Variants in FOXP1 observed in about 807,000 individuals in gnomAD.
FOXP1 encodes forkhead box P1.
In FOXP1, 15 loss-of-function variants were observed where a neutral mutation model predicts 98.2. The observed-to-expected ratio is 0.15, with a 90% CI of 0.10 to 0.24. The LOEUF is 0.24. Ranked by LOEUF, FOXP1 falls within the 10% of genes least tolerant of loss-of-function variation. The pLI, the probability that FOXP1 is intolerant of heterozygous loss-of-function variation, is 1.00. For missense variants in FOXP1, 633 were observed against 848.5 expected (o/e 0.75, Z 3.15); for synonymous variants, 371 against 314.5 (o/e 1.18, Z -1.90).
intron 5 of FOXP1, among the ~76,000 whole-genome samples, chr3:71,206,124 C>T (rs1019383326): frequency 6.6e-6 from 1 of 152,144 alleles, no homozygotes; most frequent in Non-Finnish European, 1.5e-5. Flanking sequence ...TTGCACATAA[C>T]AAGAATTTAA....
intron 2 of FOXP1, among the ~76,000 whole-genome samples, chr3:71,547,658 AAAGTTCTTG>A (rs1292361896): frequency 2.6e-5 from 4 of 152,242 alleles, no homozygotes; most frequent in Non-Finnish European, 5.9e-5. Flanking sequence ...GTGAACACAC[AAAGTTCTTG>A]TAGAGAATTA....
intron 2 of FOXP1, among the ~76,000 whole-genome samples, chr3:71,558,970 A>T (rs1156381415): frequency 1.4e-5 from 2 of 145,412 alleles, no homozygotes; most frequent in Admixed American, 6.9e-5. Context: ...ACCCAGCTAA[A>T]TTTTTTTGTA....
At chr3:70,961,054 G>A (rs553294475) in intron 20 of FOXP1, among the ~76,000 whole-genome samples, 6 of 151,760 alleles carry the variant, frequency 4.0e-5, no homozygotes, top group East Asian at 1.9e-4. Context: ...CCGTGGTCTC[G>A]ATCTCCTGAC....
At chr3:71,516,360 C>T (rs2042580864) in intron 2 of FOXP1, among the ~76,000 whole-genome samples, 1 of 152,008 alleles carries the variant, frequency 6.6e-6, no homozygotes, top group East Asian at 1.9e-4. Flanking sequence ...CAAATGGAAC[C>T]AAGTATAATC....
intron 5 of FOXP1, among the ~76,000 whole-genome samples, chr3:71,260,122 TACAGGCA>T (rs1220256239): frequency 6.6e-6 from 1 of 152,202 alleles, no homozygotes; most frequent in African/African-American, 2.4e-5. Context: ...TAGCTGGGAC[TACAGGCA>T]CCTGCCACCA....
chr3:71,061,436 T>G (rs1239118823), intron 7 of FOXP1, among the ~76,000 whole-genome samples: 1 of 152,146 alleles, frequency 6.6e-6, no homozygotes. Flanking sequence ...GGCAGTTCCT[T>G]CTACTCAAGC....
intron 5 of FOXP1, among the ~76,000 whole-genome samples, chr3:71,246,120 CA>C (rs1012502056): frequency 3.3e-5 from 5 of 152,038 alleles, no homozygotes; most frequent in Non-Finnish European, 7.4e-5. Context: ...AGCTGAGCAG[CA>C]GCGAGCCAGC....
At chr3:71,150,956 T>C (rs987512215) in intron 6 of FOXP1, among the ~76,000 whole-genome samples, 1 of 152,172 alleles carries the variant, frequency 6.6e-6, no homozygotes, top group African/African-American at 2.4e-5. Context: ...TTTGGAATAC[T>C]GGAAAGACAA....
intron 6 of FOXP1, among the ~76,000 whole-genome samples, chr3:71,127,165 T>C (rs578202781): frequency 1.3e-5 from 2 of 152,186 alleles, no homozygotes; most frequent in African/African-American, 2.4e-5. Flanking sequence ...ATTTTTACAC[T>C]GTGCTTTAGA....
chr3:71,015,857 G>A (rs1229593231), intron 11 of FOXP1, among the ~76,000 whole-genome samples: 1 of 152,200 alleles, frequency 6.6e-6, no homozygotes, highest in South Asian at 2.1e-4. Context: ...AGTGTATTTA[G>A]TCAAATGTTA....
intron 17 of FOXP1, among the ~76,000 whole-genome samples, chr3:70,973,273 T>C (rs1048494336): frequency 3.4e-5 from 4 of 117,118 alleles, no homozygotes; most frequent in Admixed American, 2.3e-4. Flanking sequence ...AAGAGATCAG[T>C]AGCTATCATG....
chr3:71,054,810 C>T (rs546791038), intron 7 of FOXP1, among the ~76,000 whole-genome samples: 2 of 151,980 alleles, frequency 1.3e-5, no homozygotes, highest in South Asian at 2.1e-4. Flanking sequence ...GTCTTCTAAC[C>T]GTAATATTTA....
chr3:71,303,938 G>A (rs569039082), intron 4 of FOXP1, among the ~76,000 whole-genome samples: 4 of 152,234 alleles, frequency 2.6e-5, no homozygotes, highest in South Asian at 2.1e-4. Flanking sequence ...AAACTTGGAC[G>A]CTACCCAGGC....
chr3:71,217,823 C>T (rs2065058294), intron 5 of FOXP1, among the ~76,000 whole-genome samples: 1 of 152,106 alleles, frequency 6.6e-6, no homozygotes, highest in African/African-American at 2.4e-5. Context: ...TCCACTTCTC[C>T]CTGCTTCCAG....
intron 7 of FOXP1, among the ~76,000 whole-genome samples, chr3:71,079,294 A>C (rs1247033572): frequency 6.6e-6 from 1 of 152,072 alleles, no homozygotes; most frequent in East Asian, 1.9e-4. Flanking sequence ...CTGGTGTTAC[A>C]ATCATTCCTC....
chr3:71,419,170 G>T (rs1338558646), intron 3 of FOXP1, among the ~76,000 whole-genome samples: 2 of 143,166 alleles, frequency 1.4e-5, no homozygotes, highest in Non-Finnish European at 3.0e-5. Context: ...GGGAGGAAGA[G>T]GTTGCAGTGA....
At chr3:71,531,476 G>C (rs948221547) in intron 2 of FOXP1, among the ~76,000 whole-genome samples, 4 of 152,150 alleles carry the variant, frequency 2.6e-5, no homozygotes, top group African/African-American at 7.2e-5. Context: ...GGTTTAAATA[G>C]AGGAGCTCTA....
At chr3:71,298,286 G>A (rs938162378) in intron 5 of FOXP1, among the ~76,000 whole-genome samples, 5 of 151,922 alleles carry the variant, frequency 3.3e-5, no homozygotes, top group Non-Finnish European at 7.4e-5. Flanking sequence ...CCAACATGGT[G>A]AAACCCCGCC....
At chr3:71,008,269 A>G in intron 12 of FOXP1, among the ~76,000 whole-genome samples, 1 of 152,196 alleles carries the variant, frequency 6.6e-6, no homozygotes, top group Non-Finnish European at 1.5e-5. Flanking sequence ...CCAATGCATT[A>G]CATGAGCATT....
Sources: allele counts gnomAD v4.1 joint callset (sites outside exome capture counted in the v4.1 genomes callset), GRCh38; gene constraint gnomAD v4.1.1; transcripts MANE v1.5; gene names NCBI Gene and HGNC (gene_info 2026-07-23, HGNC 2026-07-21).